Variants in RMND5B observed in about 807,000 individuals in gnomAD.
The protein encoded by RMND5B is E3 ubiquitin-protein transferase RMND5B.
RMND5B carries 42 observed loss-of-function variants against 50.4 expected under a neutral mutation model. That is an observed-to-expected ratio of 0.83 (90% CI 0.65 to 1.08). The LOEUF (loss-of-function observed/expected upper bound fraction) is 1.08, where lower values mean the gene tolerates loss of function less well. RMND5B is among the 50% of genes least tolerant of loss of function. RMND5B has a pLI of 0.00. For missense variants in RMND5B, 463 were observed against 508.5 expected (o/e 0.91, Z 0.86); for synonymous variants, 220 against 210.0 (o/e 1.05, Z -0.41).
chr5:178,147,765 T>A lies in RMND5B; in HGVS notation c.1000T>A (p.Ser334Thr). ...ACTAGGCATGAAGTGCTGGTACCAC[T>A]CCGTGTTCGCTTGCCCCATCCTCCG... Reference protein sequence around the residue: ...IELGMKCWYHSVFACPILRQQ... With the variant: ...IELGMKCWYHTVFACPILRQQ... Residue 334 changes from serine (S) to threonine (T), a missense_variant, in exon 10 of 11, where the codon TCC becomes ACC. Coordinates refer to ENST00000313386, the MANE Select transcript of RMND5B (RefSeq NM_022762.5). 1 of 1,614,150 alleles carries A rather than the reference T, an allele frequency of 6.2e-7. No individual in the cohort carries two copies. The highest frequency in any genetic ancestry group is 1.3e-5 in the African/African-American group (1 of 75,022).
rs1756164603 is a variant in RMND5B, at chr5:178,148,444, G to A, written c.*412G>A. 2.3e-5 allele frequency: 6 copies of A among 260,296 alleles called. No homozygotes were observed. The highest frequency in any genetic ancestry group is 1.5e-4 in the South Asian group (3 of 20,618). The allele number at this position is 260,296 out of a possible 1,614,324, so 16.1% of individuals were successfully genotyped here. A position where few individuals can be genotyped will look rare whatever the true frequency, so the allele number is the denominator to read the frequency against. On this transcript the variant is annotated 3_prime_UTR_variant, in exon 11 of 11. Transcript: ENST00000313386. ...CTCGGCCCAAGAGTGTCCAGCGGTG[G>A]CCCACCTCTTCCTCCCACTACAGCC...
rs1392289087 is a variant in RMND5B, at chr5:178,147,865, A to G, written c.1100A>G (p.Lys367Arg). The G allele has an allele frequency of 6.2e-7, 1 of 1,613,944 alleles. No homozygotes were observed. Residue 367 changes from lysine to arginine, a missense_variant, in exon 10 of 11, where the codon AAG becomes AGG. Lys to Arg is a conservative substitution (Grantham distance 26). Coordinates refer to ENST00000313386, the MANE Select transcript of RMND5B (RefSeq NM_022762.5). The stretch of plus-strand genomic sequence containing the variant: ...GTTATCTCCCGAGATGCACTCAATA[A>G]GCTCATTAATGGAGGAAAGTAAGTT... ...GHVISRDALN[K>R]LINGGKLKCP...
rs1214412834 is a variant in RMND5B at position 178,149,757 on chromosome 5, C to T, written c.*1725C>T. Reference sequence around the variant, plus strand: ...GACTGCACCTCCTCCAGGCACTCATCGTAAGCCTCCTGGTACTCCTCATGG... The same window carrying T: ...GACTGCACCTCCTCCAGGCACTCATTGTAAGCCTCCTGGTACTCCTCATGG... On this transcript the variant is annotated 3_prime_UTR_variant, in exon 11 of 11. Transcript: ENST00000313386. 4 of 1,614,094 alleles carry T rather than the reference C, an allele frequency of 2.5e-6. No individual in the cohort carries two copies. The highest frequency in any genetic ancestry group is 2.5e-6 in the Non-Finnish European group (3 of 1,180,006).
chr5:178,145,770 T>C (rs1304364689), intron 7 of RMND5B, among the ~76,000 whole-genome samples: 3 of 152,220 alleles, frequency 2.0e-5, no homozygotes, highest in Non-Finnish European at 4.4e-5. Flanking sequence ...CTGGGGTTGC[T>C]CTAAATGGAG....
At chr5:178,144,279 T>G (rs987368506) in intron 7 of RMND5B, among the ~76,000 whole-genome samples, 171 bp downstream of exon 7, 7 of 152,122 alleles carry the variant, frequency 4.6e-5, no homozygotes, top group Non-Finnish European at 7.4e-5. Context: ...AACTCTAGAC[T>G]CCTCCTCTCT....
In RMND5B at chr5:178,144,079, TC is replaced by T; in HGVS notation, c.667del (p.Gln223SerfsTer13). The T allele has an allele frequency of 1.9e-6, 3 of 1,614,088 alleles. No individual in the cohort carries two copies. Among genetic ancestry groups the T allele is most frequent in the Non-Finnish European group, 2.5e-6 (3 of 1,180,004 alleles). On this transcript the variant is annotated frameshift_variant, in exon 7 of 11. Coordinates refer to ENST00000313386, the MANE Select transcript of RMND5B (RefSeq NM_022762.5). LOFTEE classifies it high-confidence loss of function. ...GAGGCCCTCAGCTATGCTCGGCACTTCCAGCCCTTTGCTCGGCTGCACCAGC... is the reference window on the plus strand; with the variant it reads ...GAGGCCCTCAGCTATGCTCGGCACTTCAGCCCTTTGCTCGGCTGCACCAGC... The part of the protein sequence containing the change: ...QLEALSYARH[F>X]QPFARLHQRE...
chr5:178,149,737 C>T lies in RMND5B; in HGVS notation c.*1705C>T. 6.2e-7 allele frequency: 1 copy of T among 1,614,050 alleles called. No individual in the cohort carries two copies. The highest frequency in any genetic ancestry group is 1.1e-5 in the South Asian group (1 of 91,078). On this transcript the variant is annotated 3_prime_UTR_variant, in exon 11 of 11. Coordinates refer to ENST00000313386, the MANE Select transcript of RMND5B (RefSeq NM_022762.5). Reference sequence around the variant, plus strand: ...CTCATAGGGGTAGGGGCAGGGACTGCACCTCCTCCAGGCACTCATCGTAAG... The same window carrying T: ...CTCATAGGGGTAGGGGCAGGGACTGTACCTCCTCCAGGCACTCATCGTAAG...
At position 178,147,517 on chromosome 5, in the gene RMND5B, T is replaced by G. The variant is rs1581131864; in HGVS notation, c.861-16T>G. 1.2e-6 allele frequency: 2 copies of G among 1,610,564 alleles called. No individual in the cohort carries two copies. Among genetic ancestry groups the G allele is most frequent in the Non-Finnish European group, 1.7e-6 (2 of 1,178,136 alleles). On this transcript the variant is annotated splice_polypyrimidine_tract_variant and intron_variant, in intron 8 of 10. Coordinates refer to ENST00000313386, the MANE Select transcript of RMND5B (RefSeq NM_022762.5). ...CTGTGATCTGAGCCACTCTAGCCCC[T>G]GTTCCTTGTCTGCAGCTTTGCCTCT... is the stretch of plus-strand genomic sequence containing the variant.
Position 178,149,579 on chromosome 5 carries a change from G to A in RMND5B, c.*1547G>A. On this transcript the variant is annotated 3_prime_UTR_variant, in exon 11 of 11. Transcript: ENST00000313386. The stretch of plus-strand genomic sequence containing the variant: ...TTACCTTCATGAAAGGGCTGTTAGA[G>A]CTGCCTGGGAAGAAGGCGTGCCTTG... 1.8e-6 allele frequency: 2 copies of A among 1,134,676 alleles called. No individual in the cohort carries two copies. Among genetic ancestry groups the A allele is most frequent in the East Asian group, 2.5e-5 (1 of 39,832 alleles). 70.3% of individuals were successfully genotyped at this position (1,134,676 alleles called of 1,614,324 possible). A position where few individuals can be genotyped will look rare whatever the true frequency, so the allele number is the denominator to read the frequency against.
In RMND5B at chr5:178,142,687, A is replaced by G; in HGVS notation, c.244A>G (p.Ile82Val). The G allele has an allele frequency of 6.2e-7, 1 of 1,614,242 alleles. No homozygotes were observed. The highest frequency in any genetic ancestry group is 1.7e-5 in the Admixed American group (1 of 60,028). The change falls in exon 4 of 11, where the codon ATT (isoleucine) becomes GTT (valine). Residue 82 changes from isoleucine (I) to valine (V), a missense_variant. Coordinates refer to ENST00000313386, the MANE Select transcript of RMND5B (RefSeq NM_022762.5). Reference sequence around the variant, plus strand: ...GAAACTGGCTTCGGACCATAAGGACATTCACAGCAGTGTATCCCGAGTGGG... The same window carrying G: ...GAAACTGGCTTCGGACCATAAGGACGTTCACAGCAGTGTATCCCGAGTGGG... ...VQKLASDHKD[I>V]HSSVSRVGKA...
rs1561643328 is a variant in RMND5B, at chr5:178,149,457, A to G, written c.*1425A>G. 2.2e-6 allele frequency: 1 copy of G among 454,674 alleles called. No individual in the cohort carries two copies. The highest frequency in any genetic ancestry group is 4.1e-6 in the Non-Finnish European group (1 of 243,328). The allele number at this position is 454,674 out of a possible 1,614,324, so 28.2% of individuals were successfully genotyped here. On this transcript the variant is annotated 3_prime_UTR_variant, in exon 11 of 11. Transcript: ENST00000313386. The stretch of plus-strand genomic sequence containing the variant: ...TGCTTAAGAAAACACCCACAGACTC[A>G]CCACATTTTAGTCTTAGCATTTACT...
rs189245013 is a variant in RMND5B, at chr5:178,143,767, G to A, written c.527+40G>A. 2,173 of 1,509,974 alleles carry A rather than the reference G, an allele frequency of 1.4e-3. 5 individuals carry two copies. The highest frequency in any genetic ancestry group is 1.8e-3 in the Non-Finnish European group (1,913 of 1,085,300). The allele number at this position is 1,509,974 out of a possible 1,614,324, so 93.5% of individuals were successfully genotyped here. On this transcript the variant is annotated intron_variant, in intron 6 of 10. Transcript: ENST00000313386. ...GGGTGGGCCAGCAGCATTCTGCTTC[G>A]ACCTCTCAGGGCACAGGGCTTGACT... is the stretch of plus-strand genomic sequence containing the variant.
intron 5 of RMND5B, among the ~76,000 whole-genome samples, 180 bp downstream of exon 5, chr5:178,143,172 TTTAG>T (rs1419585020): frequency 6.6e-6 from 1 of 152,222 alleles, no homozygotes. Context: ...GTTACTCATT[TTTAG>T]TTAGAGTTGG....
In RMND5B at chr5:178,150,384, A is replaced by C. The variant is rs199800363; in HGVS notation, c.*2352A>C. On this transcript the variant is annotated 3_prime_UTR_variant, in exon 11 of 11. Coordinates refer to ENST00000313386, the MANE Select transcript of RMND5B (RefSeq NM_022762.5). ...TACCCAAGATCCACCCCCAGCCTCTATTTTTTTTTTTTGAGACAGGGCCTC... is the reference window on the plus strand; with the variant it reads ...TACCCAAGATCCACCCCCAGCCTCTCTTTTTTTTTTTTGAGACAGGGCCTC... 81 of 225,876 alleles carry C rather than the reference A, an allele frequency of 3.6e-4. No homozygotes were observed. The highest frequency in any genetic ancestry group is 7.8e-4 in the South Asian group (15 of 19,146). 14.0% of individuals were successfully genotyped at this position (225,876 alleles called of 1,614,324 possible).
At chr5:178,144,720 G>GAAAAAAAAAAAAAA (rs111233356) in intron 7 of RMND5B, among the ~76,000 whole-genome samples, 10 of 111,764 alleles carry the variant, frequency 8.9e-5, no homozygotes, top group African/African-American at 1.4e-4. Flanking sequence ...CTCCGTCTCA[G>GAAAAAAAAAAAAAA]AAAAAAAAAA....
Position 178,148,277 on chromosome 5 carries a change from CT to C in RMND5B, c.*249del. ...ATGCTGGCCTCTGTGCTCCTGCTGT[CT>C]TTTCCTGTTTCTGTTTGCGTTTGAC... On this transcript the variant is annotated 3_prime_UTR_variant, in exon 11 of 11. Coordinates refer to ENST00000313386, the MANE Select transcript of RMND5B (RefSeq NM_022762.5). 1 of 574,444 alleles carries C rather than the reference CT, an allele frequency of 1.7e-6. No homozygotes were observed. Among genetic ancestry groups the C allele is most frequent in the Non-Finnish European group, 3.1e-6 (1 of 321,120 alleles). 35.6% of individuals were successfully genotyped at this position (574,444 alleles called of 1,614,324 possible).
chr5:178,142,536 G>T (rs528503717), intron 3 of RMND5B, 47 bp from the exon 4 acceptor site: 21 of 1,569,238 alleles, frequency 1.3e-5, no homozygotes, highest in Admixed American at 1.8e-5. Context: ...GCCAAGGCAG[G>T]TGCCCCAGTC....
Position 178,138,006 on chromosome 5 carries a change from T to G in RMND5B, c.-12-102T>G. Reference sequence around the variant, plus strand: ...GTACAAAACATATAACATTGATACATGATGTGGGAATGGTGAGAGGGATCT... The same window carrying G: ...GTACAAAACATATAACATTGATACAGGATGTGGGAATGGTGAGAGGGATCT... On this transcript the variant is annotated intron_variant, in intron 2 of 10. Coordinates refer to ENST00000313386, the MANE Select transcript of RMND5B (RefSeq NM_022762.5). This position sits in a 1 kb window ranked among gnomAD's most constrained non-coding sequence, Gnocchi z 5.1. 4 of 1,005,030 alleles carry G rather than the reference T, an allele frequency of 4.0e-6. No individual in the cohort carries two copies. The highest frequency in any genetic ancestry group is 4.4e-6 in the Non-Finnish European group (3 of 688,936). 62.3% of individuals were successfully genotyped at this position (1,005,030 alleles called of 1,614,324 possible). A position where few individuals can be genotyped will look rare whatever the true frequency, so the allele number is the denominator to read the frequency against.
chr5:178,148,523 C>T lies in RMND5B; in HGVS notation c.*491C>T, dbSNP rs1463105962. ...AATAGTCCCAGTTAGAACGGAATGC[C>T]GTTGTTTTATAACTTTGAACAAATG... is the stretch of plus-strand genomic sequence containing the variant. On this transcript the variant is annotated 3_prime_UTR_variant, in exon 11 of 11. Coordinates refer to ENST00000313386, the MANE Select transcript of RMND5B (RefSeq NM_022762.5). 3 of 168,226 alleles carry T rather than the reference C, an allele frequency of 1.8e-5. No individual in the cohort carries two copies. Among genetic ancestry groups the T allele is most frequent in the Non-Finnish European group, 2.6e-5 (2 of 77,928 alleles). 10.4% of individuals were successfully genotyped at this position (168,226 alleles called of 1,614,324 possible).
Sources: allele counts gnomAD v4.1 joint callset (sites outside exome capture counted in the v4.1 genomes callset), GRCh38; gene constraint gnomAD v4.1.1; non-coding constraint Gnocchi (gnomAD v3.1); transcripts MANE v1.5; gene names NCBI Gene and HGNC (gene_info 2026-07-23, HGNC 2026-07-21).